The following APBB1IP variants were observed in gnomAD, a reference collection of about 807,000 sequenced individuals.
APBB1IP encodes amyloid beta A4 precursor protein-binding family B member 1-interacting protein.
APBB1IP carries 27 observed loss-of-function variants against 64.9 expected under a neutral mutation model. That is an observed-to-expected ratio of 0.42 (90% CI 0.31 to 0.57). The LOEUF (loss-of-function observed/expected upper bound fraction) is 0.57. Ranked by LOEUF, APBB1IP falls within the 20% of genes least tolerant of loss-of-function variation. The pLI is 0.20. For missense variants in APBB1IP, 812 were observed against 845.5 expected, an observed-to-expected ratio of 0.96 and a Z score of 0.49; for synonymous variants, 392 against 331.0, an observed-to-expected ratio of 1.18 and a Z score of -2.00.
At chr10:26,485,023 G>T (rs757424454) in intron 2 of APBB1IP, among the ~76,000 whole-genome samples, 3 of 152,208 alleles carry the variant, frequency 2.0e-5, no homozygotes, top group Non-Finnish European at 2.9e-5. Context: ...TTGCATGGTA[G>T]TTATCAGAAT....
At chr10:26,544,233 A>G (rs1457938875) in intron 11 of APBB1IP, among the ~76,000 whole-genome samples, 2 of 152,212 alleles carry the variant, frequency 1.3e-5, no homozygotes, top group African/African-American at 4.8e-5. Context: ...ATAAATTACC[A>G]AAATGGAGCA....
intron 8 of APBB1IP, among the ~76,000 whole-genome samples, chr10:26,532,599 A>T (rs991874792): frequency 1.1e-4 from 17 of 152,136 alleles, no homozygotes; most frequent in Non-Finnish European, 1.9e-4. Context: ...CTCTAGCCTC[A>T]GCCTCTCAAG....
In APBB1IP at chr10:26,508,365, C is replaced by T. The variant is rs537414049; in HGVS notation, c.532-3382C>T. ...AAAAATGCCCTGGGACACCAGAGAA[C>T]AATTCCATTTATAAATTTTAGTATA... On this transcript the variant is annotated intron_variant, in intron 6 of 14. Coordinates refer to ENST00000376236, the MANE Select transcript of APBB1IP (RefSeq NM_019043.4). Among the ~76,000 whole-genome samples the T allele has an allele frequency of 6.1e-5, 9 of 148,686 alleles. No individual in the cohort carries two copies. The East Asian group carries it at 1.8e-3, about 30-fold the overall frequency.
At chr10:26,536,273 C>G (rs1836622998) in intron 10 of APBB1IP, 56 bp downstream of exon 10, 1 of 1,501,874 alleles carries the variant, frequency 6.7e-7, no homozygotes, top group Non-Finnish European at 8.8e-7. Context: ...GAGAATGAAA[C>G]TAAAGAAATC....
intron 6 of APBB1IP, among the ~76,000 whole-genome samples, chr10:26,510,672 G>C (rs1007748836): frequency 3.3e-5 from 5 of 149,858 alleles, no homozygotes; most frequent in Admixed American, 6.7e-5. Context: ...GGAGGTTCAG[G>C]CTACAGTAAC....
At chr10:26,540,734 T>A (rs1371092557) in intron 10 of APBB1IP, among the ~76,000 whole-genome samples, 3 of 152,146 alleles carry the variant, frequency 2.0e-5, no homozygotes, top group Admixed American at 6.5e-5. Context: ...GTAATTGAAG[T>A]GTAACCAAAT....
At chr10:26,485,170 G>T (rs1319079135) in intron 2 of APBB1IP, among the ~76,000 whole-genome samples, 2 of 152,140 alleles carry the variant, frequency 1.3e-5, no homozygotes, top group Non-Finnish European at 2.9e-5. Context: ...AAATAGCATT[G>T]GAAAAATAAA....
At chr10:26,475,932 A>C (rs1458420679) in intron 2 of APBB1IP, among the ~76,000 whole-genome samples, 1 of 152,156 alleles carries the variant, frequency 6.6e-6, no homozygotes, top group Admixed American at 6.5e-5. Context: ...TCATTTTGAA[A>C]AGTTTCAAAG....
At chr10:26,473,583 C>T (rs1233539279) in intron 2 of APBB1IP, among the ~76,000 whole-genome samples, 1 of 152,216 alleles carries the variant, frequency 6.6e-6, no homozygotes, top group Admixed American at 6.5e-5. Flanking sequence ...TTGGATCCTG[C>T]TTCACTCAGT....
At chr10:26,530,066 G>A (rs534160420) in intron 8 of APBB1IP, among the ~76,000 whole-genome samples, 5 of 152,254 alleles carry the variant, frequency 3.3e-5, no homozygotes, top group South Asian at 2.1e-4. Flanking sequence ...ATGAATGGGC[G>A]AACTCATATT....
At chr10:26,479,683 A>G (rs1209519003) in intron 2 of APBB1IP, among the ~76,000 whole-genome samples, 1 of 152,236 alleles carries the variant, frequency 6.6e-6, no homozygotes, top group Admixed American at 6.5e-5. Context: ...TAACTTGCTG[A>G]TGTATTTTTG....
chr10:26,502,715 T>C (rs1392960574), intron 5 of APBB1IP, among the ~76,000 whole-genome samples: 1 of 151,970 alleles, frequency 6.6e-6, no homozygotes, highest in African/African-American at 2.4e-5. Flanking sequence ...TAATAAAAAA[T>C]TGGAAATCCC....
chr10:26,501,089 C>T lies in APBB1IP; in HGVS notation c.431C>T (p.Pro144Leu), dbSNP rs1331789287. 6.2e-7 allele frequency: 1 copy of T among 1,614,208 alleles called. No individual in the cohort carries two copies. The highest frequency in any genetic ancestry group is 1.7e-5 in the Admixed American group (1 of 60,020). Residue 144 changes from proline (P) to leucine (L), a missense_variant, in exon 5 of 15, where the codon CCA becomes CTA. Physicochemically the swap from Pro to Leu is moderately conservative, Grantham distance 98 (BLOSUM62 -3). Around this residue, in one of 3 missense-constraint regions of APBB1IP, gnomAD observed 394 missense variants for 413.1 expected, o/e 0.95. Coordinates refer to ENST00000376236, the MANE Select transcript of APBB1IP (RefSeq NM_019043.4). ...DPVLDLPLPP[P>L]PPEPLSQEEE... ...GTGTTAGACCTTCCACTGCCACCAC[C>T]ACCTCCTGAACCTCTCTCTCAGGTA...
At chr10:26,564,274 TA>T (rs1465943124) in intron 14 of APBB1IP, among the ~76,000 whole-genome samples, 2 of 151,624 alleles carry the variant, frequency 1.3e-5, no homozygotes, top group African/African-American at 4.8e-5. Context: ...GATGTTTCAT[TA>T]TATAAATTAT....
At chr10:26,508,246 A>T (rs538487851) in intron 6 of APBB1IP, among the ~76,000 whole-genome samples, 1 of 152,198 alleles carries the variant, frequency 6.6e-6, no homozygotes, top group Admixed American at 6.5e-5. Flanking sequence ...TGTTGACATC[A>T]TTTTGAATTA....
At chr10:26,524,955 C>CTTTCTTTCTTT (rs747655095) in intron 8 of APBB1IP, among the ~76,000 whole-genome samples, 1 of 73,972 alleles carries the variant, frequency 1.4e-5, no homozygotes, top group Non-Finnish European at 2.6e-5. Flanking sequence ...TTCTTTCTTT[C>CTTTCTTTCTTT]TTTTTTTTTT....
intron 2 of APBB1IP, among the ~76,000 whole-genome samples, chr10:26,476,247 C>G (rs974960840): frequency 6.6e-6 from 1 of 151,430 alleles, no homozygotes; most frequent in African/African-American, 2.4e-5. Context: ...TTGGTAGAGA[C>G]AGCATTTCAC....
In APBB1IP at chr10:26,525,051, G is replaced by A. The variant is rs185447834; in HGVS notation, c.814-8388G>A. On this transcript the variant is annotated intron_variant, in intron 8 of 14. Transcript: ENST00000376236. ...CACCTGTAATCCCAGCACTTTAGGA[G>A]GTAGGAGGATCACTTGAGCCCAGGA... Among the ~76,000 whole-genome samples, 47 of 147,392 alleles carry A rather than the reference G, an allele frequency of 3.2e-4. No individual in the cohort carries two copies. The East Asian group carries it at 7.5e-3, about 23-fold the overall frequency.
At chr10:26,449,758 G>A (rs577433835) in intron 2 of APBB1IP, among the ~76,000 whole-genome samples, 19 of 152,216 alleles carry the variant, frequency 1.2e-4, no homozygotes, top group South Asian at 4.2e-4. Flanking sequence ...GCCTGTAAAC[G>A]CAACTCTTTG....
Sources: gnomAD v4.1 joint callset for allele counts (sites outside exome capture counted in the v4.1 genomes callset) on GRCh38, gnomAD v4.1.1 for gene constraint, gnomAD v4.1.1 regional missense constraint, MANE v1.5 for transcripts, NCBI Gene and HGNC (gene_info 2026-07-23, HGNC 2026-07-21) for gene names.